The following IRAK1BP1 variants were observed in gnomAD, a reference collection of about 807,000 sequenced individuals.
The protein encoded by IRAK1BP1 is interleukin 1 receptor associated kinase 1 binding protein 1, also known as interleukin-1 receptor-associated kinase 1-binding protein 1.
Under a neutral mutation model 28.0 loss-of-function variants are expected in IRAK1BP1, and 24 were observed. The ratio of observed to expected loss-of-function variants is 0.86; its 90% CI spans 0.62 to 1.20. The LOEUF is 1.20. IRAK1BP1 is among the 50% of genes most tolerant of loss of function. The pLI, the probability that IRAK1BP1 is intolerant of heterozygous loss-of-function variation, is 0.00. For missense variants in IRAK1BP1, 336 were observed against 316.7 expected, an observed-to-expected ratio of 1.06 and a Z score of -0.46; for synonymous variants, 131 against 116.3, an observed-to-expected ratio of 1.13 and a Z score of -0.81.
intron 4 of IRAK1BP1, among the ~76,000 whole-genome samples, chr6:78,934,164 C>G (rs966769737): frequency 6.6e-6 from 1 of 152,168 alleles, no homozygotes; most frequent in Non-Finnish European, 1.5e-5. Context: ...TCAGAACACA[C>G]AGAACATGTA....
intron 4 of IRAK1BP1, among the ~76,000 whole-genome samples, chr6:78,924,045 A>C (rs1012416952): frequency 9.9e-5 from 15 of 152,222 alleles, no homozygotes; most frequent in African/African-American, 3.6e-4. Flanking sequence ...AAAAGCTAGC[A>C]GAAGGCAAGA....
At chr6:78,887,406 C>G (rs1292361708) in intron 2 of IRAK1BP1, among the ~76,000 whole-genome samples, 1 of 152,140 alleles carries the variant, frequency 6.6e-6, no homozygotes, top group East Asian at 1.9e-4. Context: ...TGGCTCTCAC[C>G]TGTAATCCCA....
chr6:78,954,515 G>C, the IRAK1BP1 span, among the ~76,000 whole-genome samples: 1 of 151,540 alleles, frequency 6.6e-6, no homozygotes, highest in African/African-American at 2.4e-5. Context: ...AATCAGTGTA[G>C]GGAAGACAAA....
In IRAK1BP1 at chr6:78,898,196, A is replaced by C; in HGVS notation, c.645A>C (p.Ile215=). 1.2e-6 allele frequency: 2 copies of C among 1,613,852 alleles called. No homozygotes were observed. The highest frequency in any genetic ancestry group is 1.7e-6 in the Non-Finnish European group (2 of 1,179,926). The change falls in exon 4 of 4, where the codon ATA becomes ATC. Residue 215 remains isoleucine, a synonymous_variant. Transcript: ENST00000369940. ...AAACAAAAGAATGGGAAGGCCAAAT[A>C]GATGATCACCAGTCATCCAGACTCT... The part of the protein sequence containing the change: ...EEETKEWEGQ[I]DDHQSSRLSS...
chr6:78,977,442 G>C, the IRAK1BP1 span, among the ~76,000 whole-genome samples: 3 of 152,080 alleles, frequency 2.0e-5, no homozygotes, highest in African/African-American at 7.2e-5. Context: ...GAGTTAGTGG[G>C]TGCAGCACAC....
At chr6:78,892,238 C>G (rs1185170191) in intron 2 of IRAK1BP1, among the ~76,000 whole-genome samples, 2 of 152,026 alleles carry the variant, frequency 1.3e-5, no homozygotes, top group Non-Finnish European at 2.9e-5. Flanking sequence ...CAGTTTCATT[C>G]AAAACCATCT....
At chr6:78,937,896 A>G (rs527248271) in intron 4 of IRAK1BP1, 7 of 151,628 alleles carry the variant, frequency 4.6e-5, no homozygotes, top group Non-Finnish European at 4.4e-5. Flanking sequence ...ACTTAGAAAT[A>G]CCTAAATTGG....
chr6:78,946,108 C>T, exon 5 of IRAK1BP1: 1 of 1,613,938 alleles, frequency 6.2e-7, no homozygotes, highest in Non-Finnish European at 8.5e-7. Context: ...CACTCGGTTG[C>T]TTCTGGTTCG....
intron 4 of IRAK1BP1, chr6:78,935,571 T>C (rs961240088): frequency 2.1e-6 from 2 of 970,816 alleles, no homozygotes; most frequent in Admixed American, 6.2e-5. Context: ...TAACTTACGG[T>C]AAGAAATCAA....
the IRAK1BP1 span, among the ~76,000 whole-genome samples, chr6:78,959,474 G>A: frequency 2.0e-5 from 3 of 152,000 alleles, no homozygotes; most frequent in Non-Finnish European, 4.4e-5. Context: ...AATACCAGCA[G>A]GGCAAACTGA....
rs1770629528 is a variant in IRAK1BP1, at chr6:78,867,733, G to A, written c.157G>A (p.Val53Met). 4.3e-6 allele frequency: 7 copies of A among 1,614,118 alleles called. No homozygotes were observed. The highest frequency in any genetic ancestry group is 4.0e-5 in the African/African-American group (3 of 74,950). ...ACAAGCCCAAACTGCTACCCGCGAGGTGCAAGTAAGCGGCACCTCAGAAGT... is the reference window on the plus strand; with the variant it reads ...ACAAGCCCAAACTGCTACCCGCGAGATGCAAGTAAGCGGCACCTCAGAAGT... Reference protein sequence around the residue: ...STQAQTATREVQVSGTSEVSA... With the variant: ...STQAQTATREMQVSGTSEVSA... Residue 53 changes from valine to methionine, a missense_variant, in exon 1 of 4, where the codon GTG (valine) becomes ATG (methionine). By Grantham distance (21) the Val-to-Met change is conservative. Coordinates refer to ENST00000369940, the MANE Select transcript of IRAK1BP1 (RefSeq NM_001010844.4).
downstream of IRAK1BP1, among the ~76,000 whole-genome samples, chr6:78,904,599 A>G (rs1772212527): frequency 6.6e-6 from 1 of 152,224 alleles, no homozygotes. Flanking sequence ...TGTATAGCTC[A>G]TACAAAAGAG....
the IRAK1BP1 span, among the ~76,000 whole-genome samples, chr6:78,969,209 T>C: frequency 1.3e-5 from 2 of 152,226 alleles, no homozygotes; most frequent in Non-Finnish European, 2.9e-5. Flanking sequence ...CAAACCACCA[T>C]GTCAATGCGT....
chr6:78,951,549 C>G, the IRAK1BP1 span, among the ~76,000 whole-genome samples: 2 of 152,136 alleles, frequency 1.3e-5, no homozygotes, highest in African/African-American at 2.4e-5. Context: ...TTTTCTTTTT[C>G]TCTTCTGTGA....
chr6:78,948,685 G>A (rs750322723), downstream of IRAK1BP1, among the ~76,000 whole-genome samples: 1 of 152,032 alleles, frequency 6.6e-6, no homozygotes, highest in African/African-American at 2.4e-5. Context: ...TGTAGAGACG[G>A]GTCTTAGCAT....
chr6:78,970,437 T>C, the IRAK1BP1 span, among the ~76,000 whole-genome samples: 42 of 152,302 alleles, frequency 2.8e-4, no homozygotes, highest in African/African-American at 8.4e-4. Context: ...AAGTTTTCTA[T>C]CACCATTCCA....
intron 4 of IRAK1BP1, chr6:78,935,542 T>C: frequency 1.0e-6 from 1 of 963,508 alleles, no homozygotes; most frequent in Non-Finnish European, 1.2e-6. Flanking sequence ...AATAGTGAAG[T>C]ATTTATCACT....
At chr6:78,937,135 A>G (rs921375940) in intron 4 of IRAK1BP1, 1 of 151,780 alleles carries the variant, frequency 6.6e-6, no homozygotes, top group African/African-American at 2.4e-5. Flanking sequence ...TCACTCAAGT[A>G]TCTTGGTCCT....
intron 1 of IRAK1BP1, chr6:78,871,872 T>G: frequency 2.0e-6 from 1 of 508,884 alleles, no homozygotes; most frequent in Non-Finnish European, 3.4e-6. Context: ...CTTGTATCCT[T>G]TGGCACTTCA....
Sources: gnomAD v4.1 joint callset for allele counts (sites outside exome capture counted in the v4.1 genomes callset) on GRCh38, gnomAD v4.1.1 for gene constraint, MANE v1.5 for transcripts, NCBI Gene and HGNC (gene_info 2026-07-23, HGNC 2026-07-21) for gene names.